Variants in KIF7 observed in about 807,000 individuals in gnomAD.
The protein encoded by KIF7 is kinesin family member 7, also known as kinesin-like protein KIF7.
A neutral mutation model predicts 135.7 loss-of-function variants in KIF7; 104 were observed. The observed-to-expected ratio is 0.77, with a 90% CI of 0.65 to 0.90. The LOEUF is 0.90. Ranked by LOEUF, KIF7 falls within the 40% of genes least tolerant of loss-of-function variation. The probability of loss-of-function intolerance (pLI) is 0.00; values close to 1 mark genes in which losing one functional copy is unlikely to be tolerated. For synonymous variants in KIF7, 883 were observed against 809.4 expected (o/e 1.09, Z -1.54); for missense variants, 2,005 against 1,839.1 (o/e 1.09, Z -1.65).
At position 89,648,582 on chromosome 15, in the gene KIF7, C is replaced by G; in HGVS notation, c.1116G>C (p.Ala372=). The part of the protein sequence containing the change: ...ERPPEETASG[A]RGPPRHRSET... ...CGGAGCGGTGCCGTGGCGGACCCCG[C>G]GCGCCGCTCGCCGTCTCTTCGGGTG... is the stretch of plus-strand genomic sequence containing the variant. The change falls in exon 5 of 19, where the codon GCG becomes GCC. Residue 372 remains alanine (A), a synonymous_variant. Transcript: ENST00000394412. 6.6e-7 allele frequency: 1 copy of G among 1,513,766 alleles called. No individual in the cohort carries two copies. 93.8% of individuals were successfully genotyped at this position (1,513,766 alleles called of 1,614,324 possible).
Position 89,629,457 on chromosome 15 carries a change from C to A in KIF7, c.3435G>T (p.Gln1145His). ...TCAGCTGGCGGTCCATCTCCAGGCG[C>A]TGCCGCTCCAGGGCCACCTCCAGCC... ...VYWLEVALER[Q>H]RLEMDRQLTL... is the part of the protein sequence containing the mutation. Residue 1145 changes from glutamine to histidine, a missense_variant, in exon 17 of 19, where the codon CAG becomes CAT. Physicochemically the swap from Gln to His is conservative, Grantham distance 24. Coordinates refer to ENST00000394412, the MANE Select transcript of KIF7 (RefSeq NM_198525.3). 6.2e-7 allele frequency: 1 copy of A among 1,609,850 alleles called. No individual in the cohort carries two copies. Among genetic ancestry groups the A allele is most frequent in the Non-Finnish European group, 8.5e-7 (1 of 1,179,988 alleles).
chr15:89,632,588 T>A (rs1008511581), intron 14 of KIF7, among the ~76,000 whole-genome samples: 8 of 152,130 alleles, frequency 5.3e-5, no homozygotes, highest in Admixed American at 3.3e-4. Flanking sequence ...GGACAGAGCT[T>A]CCTCTGTCTG....
In KIF7 at chr15:89,633,008, T is replaced by TAGGG. The variant is rs3840030; in HGVS notation, c.2719-16_2719-13dup. ...TGCTCCTCAATCTTCTAAGGAAAAG[T>TAGGG]AGGGAGGGAGGGAGGGAACTCAGGG... On this transcript the variant is annotated splice_polypyrimidine_tract_variant and intron_variant, in intron 13 of 18. Transcript: ENST00000394412. 2,566 of 1,094,574 alleles carry TAGGG rather than the reference T, an allele frequency of 2.3e-3. 37 individuals are homozygous for TAGGG. Among genetic ancestry groups the TAGGG allele is most frequent in the Non-Finnish European group, 2.9e-3 (2,147 of 740,602 alleles). The allele number at this position is 1,094,574 out of a possible 1,614,324, so 67.8% of individuals were successfully genotyped here. A position where few individuals can be genotyped will look rare whatever the true frequency, so the allele number is the denominator to read the frequency against.
intron 15 of KIF7, chr15:89,630,952 T>C (rs1336577622): frequency 1.0e-5 from 3 of 296,786 alleles, no homozygotes; most frequent in Non-Finnish European, 2.0e-5. Flanking sequence ...CTGGACAGCA[T>C]GTGACTGTAC....
At chr15:89,638,629 T>C (rs958308224) in intron 11 of KIF7, among the ~76,000 whole-genome samples, 2 of 151,352 alleles carry the variant, frequency 1.3e-5, no homozygotes, top group Non-Finnish European at 3.0e-5. Context: ...AAACCACTGC[T>C]CAAGGAAATA....
rs1196868005 is a variant in KIF7 at position 89,648,753 on chromosome 15, G to A, written c.945C>T (p.Gly315=). The A allele has an allele frequency of 2.6e-6, 4 of 1,535,230 alleles. No homozygotes were observed. The highest frequency in any genetic ancestry group is 2.7e-5 in the African/African-American group (2 of 72,958). ...CGATCATCACCGTCTTGGCGTTCCC[G>A]CCCAGCGAGTCTTTGAGGATCCTGA... ...KITRILKDSL[G]GNAKTVMIAC... The change falls in exon 5 of 19, where the codon GGC becomes GGT. Residue 315 remains glycine, a synonymous_variant. Coordinates refer to ENST00000394412, the MANE Select transcript of KIF7 (RefSeq NM_198525.3).
At position 89,649,187 on chromosome 15, in the gene KIF7, C is replaced by G; in HGVS notation, c.710G>C (p.Arg237Pro). 1 of 1,546,276 alleles carries G rather than the reference C, an allele frequency of 6.5e-7. No individual in the cohort carries two copies. The highest frequency in any genetic ancestry group is 1.4e-5 in the African/African-American group (1 of 73,082). Residue 237 changes from arginine to proline, a missense_variant, in exon 4 of 19, where the codon CGC (arginine) becomes CCC (proline). Arg to Pro is a moderately radical substitution (Grantham distance 103, BLOSUM62 -2). Coordinates refer to ENST00000394412, the MANE Select transcript of KIF7 (RefSeq NM_198525.3). ...GACGAGCAGCTGGCCCGGGGCGGGG[C>G]GGGGTAGGCGGCTGGGGGCGCGCCC... The part of the protein sequence containing the change: ...QRGRAPSRLP[R>P]PAPGQLLVSK...
intron 11 of KIF7, among the ~76,000 whole-genome samples, chr15:89,634,591 C>T (rs1963762180): frequency 3.3e-5 from 5 of 152,238 alleles, no homozygotes; most frequent in Admixed American, 3.3e-4. Context: ...AATCGGGTCA[C>T]TCCCACCAGA....
Position 89,645,590 on chromosome 15 carries a change from C to G in KIF7, c.1923-139G>C, listed in dbSNP as rs564940118. ...ATATAAACCCAGGATGTGAGTCTGG[C>G]AGAATCAGGAGTCCAGGGGCAGAGT... On this transcript the variant is annotated intron_variant, in intron 8 of 18. Transcript: ENST00000394412. The G allele has an allele frequency of 9.2e-5, 73 of 795,592 alleles. No homozygotes were observed. In the East Asian group the frequency reaches 1.7e-3, roughly 18 times the overall value. The allele number at this position is 795,592 out of a possible 1,614,324, so 49.3% of individuals were successfully genotyped here. A position where few individuals can be genotyped will look rare whatever the true frequency, so the allele number is the denominator to read the frequency against.
At chr15:89,634,976 A>G (rs1963773092) in intron 11 of KIF7, among the ~76,000 whole-genome samples, 1 of 152,204 alleles carries the variant, frequency 6.6e-6, no homozygotes. Flanking sequence ...GCAGCTGGAG[A>G]CCTGAGAACA....
rs372462334 is a variant in KIF7 at position 89,645,468 on chromosome 15, G to A, written c.1923-17C>T. On this transcript the variant is annotated splice_polypyrimidine_tract_variant and intron_variant, in intron 8 of 18. Coordinates refer to ENST00000394412, the MANE Select transcript of KIF7 (RefSeq NM_198525.3). ...ATCCTATTTCTGGAGGACAGAAGCAGGAGGCCATGCTCCTCCCCAGCCCCT... is the reference window on the plus strand; with the variant it reads ...ATCCTATTTCTGGAGGACAGAAGCAAGAGGCCATGCTCCTCCCCAGCCCCT... 1.9e-6 allele frequency: 3 copies of A among 1,590,932 alleles called. No individual in the cohort carries two copies. Among genetic ancestry groups the A allele is most frequent in the South Asian group, 1.1e-5 (1 of 89,108 alleles).
At chr15:89,646,225 T>C (rs1261507833) in intron 7 of KIF7, among the ~76,000 whole-genome samples, 199 bp from the exon 8 acceptor site, 2 of 151,880 alleles carry the variant, frequency 1.3e-5, no homozygotes, top group Non-Finnish European at 1.5e-5. Flanking sequence ...CTGCTTTGGC[T>C]CCCATGATAC....
chr15:89,639,805 G>C (rs1963883724), intron 11 of KIF7, among the ~76,000 whole-genome samples: 1 of 151,684 alleles, frequency 6.6e-6, no homozygotes, highest in African/African-American at 2.4e-5. Context: ...TATACCCAAA[G>C]GACTATAAAT....
intron 10 of KIF7, among the ~76,000 whole-genome samples, chr15:89,644,226 A>C (rs953216679): frequency 4.6e-5 from 7 of 152,126 alleles, no homozygotes; most frequent in Non-Finnish European, 8.8e-5. Flanking sequence ...CCAGCACCTA[A>C]AACTACCCCG....
At chr15:89,625,400 G>C, downstream of KIF7, 1 of 1,613,918 alleles carries the variant, frequency 6.2e-7, no homozygotes, top group Non-Finnish European at 8.5e-7. Flanking sequence ...TGTGGCGCCG[G>C]CTCCTCTTCC....
upstream of KIF7, among the ~76,000 whole-genome samples, chr15:89,659,304 A>G (rs553269648): frequency 4.0e-4 from 61 of 152,004 alleles, no homozygotes; most frequent in Non-Finnish European, 8.1e-4. Context: ...AGGCTGAGGC[A>G]GGAGGATCGC....
At chr15:89,626,102 ACTGT>A (rs1463810300), downstream of KIF7, 3 of 1,600,864 alleles carry the variant, frequency 1.9e-6, no homozygotes, top group South Asian at 1.1e-5. Context: ...CCTGTGACAG[ACTGT>A]CTGAATTCAC....
At position 89,633,687 on chromosome 15, in the gene KIF7, T is replaced by C. The variant is rs1313079618; in HGVS notation, c.2591A>G (p.Lys864Arg). Reference protein sequence around the residue: ...AEMSKRQHRVKELELKHEQQQ... With the variant: ...AEMSKRQHRVRELELKHEQQQ... Reference sequence around the variant, plus strand: ...TCCCCACCCTGCCGTGAGCCTGACCTTGACGCGGTGCTGCCGCTTGCTCAT... The same window carrying C: ...TCCCCACCCTGCCGTGAGCCTGACCCTGACGCGGTGCTGCCGCTTGCTCAT... The change falls in exon 12 of 19, where the codon AAG (lysine) becomes AGG (arginine). Residue 864 changes from lysine (K) to arginine (R), a missense_variant and splice_region_variant. Physicochemically the swap from Lys to Arg is conservative, Grantham distance 26. Coordinates refer to ENST00000394412, the MANE Select transcript of KIF7 (RefSeq NM_198525.3). 1 of 1,606,772 alleles carries C rather than the reference T, an allele frequency of 6.2e-7. No homozygotes were observed. The highest frequency in any genetic ancestry group is 2.2e-5 in the East Asian group (1 of 44,856).
Position 89,632,809 on chromosome 15 carries a change from C to G in KIF7, c.2895+11G>C. The G allele has an allele frequency of 6.2e-7, 1 of 1,600,730 alleles. No individual in the cohort carries two copies. Among genetic ancestry groups the G allele is most frequent in the Non-Finnish European group, 8.5e-7 (1 of 1,178,444 alleles). On this transcript the variant is annotated intron_variant, in intron 14 of 18. Coordinates refer to ENST00000394412, the MANE Select transcript of KIF7 (RefSeq NM_198525.3). The stretch of plus-strand genomic sequence containing the variant: ...CCTCACCTGGCAGGATCTCTCCTGG[C>G]AGGGCCTCACCTGGCTGGATCTCAG...
Sources: allele counts gnomAD v4.1 joint callset (sites outside exome capture counted in the v4.1 genomes callset), GRCh38; gene constraint gnomAD v4.1.1; transcripts MANE v1.5; gene names NCBI Gene and HGNC (gene_info 2026-07-23, HGNC 2026-07-21).